Variants in CTNNA3 observed in about 807,000 individuals in gnomAD.
CTNNA3 encodes the protein catenin alpha-3.
Under a neutral mutation model 95.7 loss-of-function variants are expected in CTNNA3, and 76 were observed. That is an observed-to-expected ratio of 0.79 (90% CI 0.66 to 0.96). The LOEUF (loss-of-function observed/expected upper bound fraction) is 0.96, where lower values mean the gene tolerates loss of function less well. CTNNA3 is among the 40% of genes least tolerant of loss of function. CTNNA3 has a pLI of 0.00. For synonymous variants in CTNNA3, 431 were observed against 374.4 expected, an observed-to-expected ratio of 1.15 and a Z score of -1.74; for missense variants, 1,191 against 1,089.8, an observed-to-expected ratio of 1.09 and a Z score of -1.31.
chr10:67,038,145 GTTA>G (rs1854179673), intron 7 of CTNNA3, among the ~76,000 whole-genome samples: 1 of 151,996 alleles, frequency 6.6e-6, no homozygotes, highest in Non-Finnish European at 1.5e-5. Context: ...TTCAGAGCAA[GTTA>G]TTATATTTAT....
chr10:66,963,056 CACAT>C (rs1849205848), intron 7 of CTNNA3, among the ~76,000 whole-genome samples: 4 of 152,146 alleles, frequency 2.6e-5, no homozygotes, highest in Admixed American at 6.5e-5. Context: ...GTAAGACTCA[CACAT>C]ACTTCTACTT....
At chr10:67,086,220 TC>T (rs959180963) in intron 7 of CTNNA3, among the ~76,000 whole-genome samples, 1 of 152,026 alleles carries the variant, frequency 6.6e-6, no homozygotes, top group Non-Finnish European at 1.5e-5. Context: ...TAGCAATACC[TC>T]ATCCCTATAA....
chr10:66,346,513 G>A (rs1223520345), intron 12 of CTNNA3, among the ~76,000 whole-genome samples: 2 of 151,916 alleles, frequency 1.3e-5, no homozygotes, highest in African/African-American at 2.4e-5. Flanking sequence ...TTTTGACCTC[G>A]TGATCTGCCT....
At chr10:67,484,688 A>T (rs553010780) in intron 5 of CTNNA3, among the ~76,000 whole-genome samples, 1 of 152,364 alleles carries the variant, frequency 6.6e-6, no homozygotes, top group East Asian at 1.9e-4. Context: ...GGTGGCCAAC[A>T]AACATATGAA....
intron 7 of CTNNA3, among the ~76,000 whole-genome samples, chr10:66,959,144 G>A (rs541601929): frequency 2.0e-5 from 3 of 152,142 alleles, no homozygotes; most frequent in South Asian, 2.1e-4. Flanking sequence ...TCAGACTCAC[G>A]GCAAAAGCTT....
chr10:67,712,512 C>G (rs1489519126), intron 1 of CTNNA3, among the ~76,000 whole-genome samples: 1 of 152,214 alleles, frequency 6.6e-6, no homozygotes, highest in African/African-American at 2.4e-5. Flanking sequence ...GGACTTGGTG[C>G]CTTGTGTCCC....
At chr10:67,578,346 CT>C (rs1842242517) in intron 3 of CTNNA3, among the ~76,000 whole-genome samples, 1 of 131,324 alleles carries the variant, frequency 7.6e-6, no homozygotes, top group African/African-American at 2.9e-5. Flanking sequence ...TTGTAGAGAT[CT>C]TTTACCTCCT....
intron 7 of CTNNA3, among the ~76,000 whole-genome samples, chr10:67,094,130 A>G (rs1857826363): frequency 6.6e-6 from 1 of 151,996 alleles, no homozygotes; most frequent in African/African-American, 2.4e-5. Flanking sequence ...TATATGTAAT[A>G]TTTTTCATGA....
intron 5 of CTNNA3, among the ~76,000 whole-genome samples, chr10:67,369,082 C>T (rs889603706): frequency 6.6e-6 from 1 of 152,082 alleles, no homozygotes; most frequent in African/African-American, 2.4e-5. Flanking sequence ...GGCAACACAG[C>T]AAAACCCTGT....
At chr10:66,845,710 A>ATAAATAAAAAAAG (rs1248827088) in intron 7 of CTNNA3, among the ~76,000 whole-genome samples, 1 of 85,970 alleles carries the variant, frequency 1.2e-5, no homozygotes, top group South Asian at 4.3e-4. Flanking sequence ...TCTCAAAAAA[A>ATAAATAAAAAAAG]AAAAAAAAAA....
intron 3 of CTNNA3, among the ~76,000 whole-genome samples, chr10:67,588,216 T>G (rs1271116238): frequency 2.4e-5 from 3 of 125,122 alleles, no homozygotes; most frequent in African/African-American, 1.2e-4. Context: ...TCTTTTTTGT[T>G]AAGATCTATC....
chr10:67,491,725 T>C (rs905220778), intron 5 of CTNNA3, among the ~76,000 whole-genome samples: 9 of 152,208 alleles, frequency 5.9e-5, no homozygotes, highest in Non-Finnish European at 1.3e-4. Flanking sequence ...GAAGGATTTT[T>C]ACTTGAGGAT....
chr10:66,921,624 T>G (rs1448228653), intron 7 of CTNNA3, among the ~76,000 whole-genome samples: 1 of 152,176 alleles, frequency 6.6e-6, no homozygotes. Context: ...TACATTTAAG[T>G]CTCACAAGCT....
intron 9 of CTNNA3, among the ~76,000 whole-genome samples, chr10:66,668,422 A>G (rs947222209): frequency 6.1e-5 from 9 of 146,912 alleles, no homozygotes; most frequent in East Asian, 6.0e-4. Flanking sequence ...CAACTCTCAT[A>G]TGTGTGTGTG....
At chr10:66,045,438 T>C (rs1442416474) in intron 15 of CTNNA3, among the ~76,000 whole-genome samples, 3 of 152,146 alleles carry the variant, frequency 2.0e-5, no homozygotes, top group South Asian at 4.1e-4. Flanking sequence ...ATGTAGAACA[T>C]AGGTGAAAAC....
chr10:66,512,387 T>C (rs34400869), intron 11 of CTNNA3, among the ~76,000 whole-genome samples: 4,390 of 152,152 alleles, frequency 0.029, 284 homozygotes, highest in East Asian at 0.22. Flanking sequence ...ATTGATAAGA[T>C]GAGGATTTAT....
intron 7 of CTNNA3, among the ~76,000 whole-genome samples, chr10:67,106,022 C>G (rs1241197430): frequency 6.6e-6 from 1 of 152,190 alleles, no homozygotes; most frequent in Non-Finnish European, 1.5e-5. Flanking sequence ...CCACCATTGG[C>G]TTTGACACGC....
Position 66,091,250 on chromosome 10 carries a change from T to C in CTNNA3, c.1977+11907A>G, listed in dbSNP as rs1032429072. Among the ~76,000 whole-genome samples, 5 of 151,960 alleles carry C rather than the reference T, an allele frequency of 3.3e-5. 1 individual carries two copies. Among genetic ancestry groups the C allele is most frequent in the African/African-American group, 1.2e-4 (5 of 41,434 alleles). Reference sequence around the variant, plus strand: ...CAAAGAGAAAGAATCACCTGAGTACTTTAGCCTCAACATTTTTCCAAATGC... The same window carrying C: ...CAAAGAGAAAGAATCACCTGAGTACCTTAGCCTCAACATTTTTCCAAATGC... On this transcript the variant is annotated intron_variant, in intron 14 of 17. Coordinates refer to ENST00000433211, the MANE Select transcript of CTNNA3 (RefSeq NM_013266.4).
intron 13 of CTNNA3, among the ~76,000 whole-genome samples, chr10:66,224,066 A>G (rs2089125930): frequency 6.6e-6 from 1 of 152,142 alleles, no homozygotes; most frequent in Non-Finnish European, 1.5e-5. Context: ...GTAAAAAGCA[A>G]GAAAGGGGAA....
Sources: allele counts gnomAD v4.1 joint callset (sites outside exome capture counted in the v4.1 genomes callset), GRCh38; gene constraint gnomAD v4.1.1; transcripts MANE v1.5; gene names NCBI Gene and HGNC (gene_info 2026-07-23, HGNC 2026-07-21).